Variants in DNAH10 observed in about 807,000 individuals in gnomAD.
DNAH10 encodes dynein axonemal heavy chain 10.
In DNAH10, 348 loss-of-function variants were observed where a neutral mutation model predicts 506.6. That is an observed-to-expected ratio of 0.69 (90% CI 0.63 to 0.75). The LOEUF (loss-of-function observed/expected upper bound fraction) is 0.75. DNAH10 is among the 30% of genes least tolerant of loss of function. DNAH10 has a pLI of 0.00. For missense variants in DNAH10, 5,179 were observed against 5,787.1 expected (o/e 0.89, Z 3.41); for synonymous variants, 2,059 against 2,198.6 (o/e 0.94, Z 1.78).
Position 123,926,928 on chromosome 12 carries a change from T to G in DNAH10, c.12105+108T>G, listed in dbSNP as rs1383972222. 2.2e-5 allele frequency: 28 copies of G among 1,251,926 alleles called. No homozygotes were observed. Among genetic ancestry groups the G allele is most frequent in the Non-Finnish European group, 3.0e-5 (27 of 908,534 alleles). 77.6% of individuals were successfully genotyped at this position (1,251,926 alleles called of 1,614,324 possible). ...GCTGAGTGCCACGCCACAAATCAGTTGGATGCATTTCCGAGCTAAGAAGCA... is the reference window on the plus strand; with the variant it reads ...GCTGAGTGCCACGCCACAAATCAGTGGGATGCATTTCCGAGCTAAGAAGCA... On this transcript the variant is annotated intron_variant, in intron 69 of 78. Coordinates refer to ENST00000673944, the MANE Select transcript of DNAH10 (RefSeq NM_001372106.1). The surrounding 1 kb of genome is among the most constrained non-coding windows in gnomAD (Gnocchi z 4.1).
rs1052725927 is a variant in DNAH10 at position 123,784,044 on chromosome 12, T to G, written c.1097T>G (p.Val366Gly). 3 of 1,614,070 alleles carry G rather than the reference T, an allele frequency of 1.9e-6. No individual in the cohort carries two copies. The African/African-American group carries it at 4.0e-5, about 22-fold the overall frequency. The change falls in exon 8 of 79, where the codon GTC becomes GGC. Residue 366 changes from valine (V) to glycine (G), a missense_variant. Transcript: ENST00000673944. ...ACAAAGCTTCCAATAGTCAGAAAAGTCTTGGATGTGATCAAGGAATCCGAC... is the reference window on the plus strand; with the variant it reads ...ACAAAGCTTCCAATAGTCAGAAAAGGCTTGGATGTGATCAAGGAATCCGAC... ...EQTKLPIVRK[V>G]LDVIKESDSM...
chr12:123,847,218 TTATCTATC>T (rs61214034), intron 32 of DNAH10, among the ~76,000 whole-genome samples: 23,579 of 142,660 alleles, frequency 0.17, 2,097 homozygotes, highest in East Asian at 0.24. Context: ...ATCCATCCTA[TTATCTATC>T]TATCTATCTA....
In DNAH10 at chr12:123,864,666, G is replaced by C; in HGVS notation, c.6980G>C (p.Arg2327Thr). ...ATGAATTCTGTGATGGATGACAACA[G>C]GTTGTTGACATTGGCCAACGGGGAA... Reference protein sequence around the residue: ...ENMNSVMDDNRLLTLANGERI... With the variant: ...ENMNSVMDDNTLLTLANGERI... Residue 2327 changes from arginine (R) to threonine (T), a missense_variant, in exon 40 of 79, where the codon AGG becomes ACG. Around this residue, in one of 3 missense-constraint regions of DNAH10, gnomAD observed 4,844 missense variants for 5,430.5 expected, o/e 0.89. Transcript: ENST00000673944. 1 of 1,614,012 alleles carries C rather than the reference G, an allele frequency of 6.2e-7. No individual in the cohort carries two copies. The highest frequency in any genetic ancestry group is 1.1e-5 in the South Asian group (1 of 91,080).
chr12:123,891,147 G>A (rs189157353), intron 52 of DNAH10, among the ~76,000 whole-genome samples: 5 of 152,196 alleles, frequency 3.3e-5, no homozygotes, highest in African/African-American at 9.6e-5. Context: ...GACAGTCTTT[G>A]GTGTTCCTTG....
At chr12:123,848,225 C>A (rs1384797699) in intron 33 of DNAH10, 130 bp downstream of exon 33, 5 of 1,342,188 alleles carry the variant, frequency 3.7e-6, no homozygotes, top group Non-Finnish European at 5.1e-6. Context: ...TCCACCACCA[C>A]AGCCCCAGAA....
In DNAH10 at chr12:123,881,078, C is replaced by T. The variant is rs146864095; in HGVS notation, c.8635-547C>T. On this transcript the variant is annotated intron_variant, in intron 50 of 78. Transcript: ENST00000673944. ...ATGGGCATTTGGGTTGGTTCCAAGT[C>T]TTTGCTATTGTGAGTAGTGCCGCAA... Among the ~76,000 whole-genome samples the T allele has an allele frequency of 9.7e-3, 1,470 of 152,170 alleles. 27 individuals are homozygous for T. The highest frequency in any genetic ancestry group is 0.034 in the African/African-American group (1,396 of 41,496).
At chr12:123,892,067 C>T (rs1953007313) in intron 52 of DNAH10, among the ~76,000 whole-genome samples, 1 of 152,198 alleles carries the variant, frequency 6.6e-6, no homozygotes, top group Non-Finnish European at 1.5e-5. Flanking sequence ...TCCCGGATGC[C>T]CGGAGGGAGA....
intron 56 of DNAH10, among the ~76,000 whole-genome samples, chr12:123,901,722 G>A (rs1262544793): frequency 1.3e-5 from 2 of 152,096 alleles, no homozygotes; most frequent in African/African-American, 2.4e-5. Context: ...GTGCAGTGGC[G>A]CGATCTCGGC....
rs564390784 is a variant in DNAH10 at position 123,798,498 on chromosome 12, C to T, written c.2164-748C>T. ...CAAGAGAGGTGGTGCAAACCATTCA[C>T]GAGAATTCCGCCTTCGTGATCCAGT... On this transcript the variant is annotated intron_variant, in intron 13 of 78. Transcript: ENST00000673944. 5.5e-4 allele frequency among the ~76,000 whole-genome samples: 83 copies of T among 152,256 alleles called. 1 individual carries two copies. The highest frequency in any genetic ancestry group is 1.0e-3 in the Non-Finnish European group (69 of 68,024).
rs146608621 is a variant in DNAH10 at position 123,811,658 on chromosome 12, G to A, written c.3145-1506G>A. 6.1e-3 allele frequency among the ~76,000 whole-genome samples: 928 copies of A among 152,088 alleles called. 18 individuals carry two copies. Among genetic ancestry groups the A allele is most frequent in the African/African-American group, 0.021 (866 of 41,492 alleles). ...TGGGACTATAGGAGCCCACCACCAC[G>A]CCTGGCTAATTCTTTGTATTTTTTT... On this transcript the variant is annotated intron_variant, in intron 19 of 78. Coordinates refer to ENST00000673944, the MANE Select transcript of DNAH10 (RefSeq NM_001372106.1).
chr12:123,766,287 G>GCCTACCTACCTACCTACCTA lies in DNAH10; in HGVS notation c.215-1311_215-1292dup, dbSNP rs146604271. On this transcript the variant is annotated intron_variant, in intron 1 of 78. Coordinates refer to ENST00000673944, the MANE Select transcript of DNAH10 (RefSeq NM_001372106.1). ...CAGGGCTGTTGAGATCAATTAATCA[G>GCCTACCTACCTACCTACCTA]CCTACCTACCTACCTACCTACCTAC... Among the ~76,000 whole-genome samples the GCCTACCTACCTACCTACCTA allele has an allele frequency of 3.0e-3, 453 of 150,604 alleles. 3 individuals carry two copies. Among genetic ancestry groups the GCCTACCTACCTACCTACCTA allele is most frequent in the African/African-American group, 9.8e-3 (399 of 40,844 alleles).
chr12:123,875,034 G>A (rs1952196600), intron 46 of DNAH10, among the ~76,000 whole-genome samples, 197 bp from the exon 47 acceptor site: 1 of 152,170 alleles, frequency 6.6e-6, no homozygotes, highest in Non-Finnish European at 1.5e-5. Flanking sequence ...AGTATCGTAA[G>A]GGAGACAAAC....
chr12:123,799,084 G>A (rs1182574357), intron 13 of DNAH10, among the ~76,000 whole-genome samples, 162 bp from the exon 14 acceptor site: 8 of 136,992 alleles, frequency 5.8e-5, no homozygotes, highest in African/African-American at 8.2e-5. Context: ...CAGCCTGGGC[G>A]ACAGAGTGAG....
chr12:123,880,067 GT>G (rs1952438103), intron 50 of DNAH10, among the ~76,000 whole-genome samples: 1 of 152,190 alleles, frequency 6.6e-6, no homozygotes. Context: ...GCACAGCCAG[GT>G]TTGGGAACCA....
chr12:123,869,084 GC>G (rs528221317), intron 43 of DNAH10, among the ~76,000 whole-genome samples: 87 of 152,310 alleles, frequency 5.7e-4, no homozygotes, highest in Non-Finnish European at 1.2e-3. Flanking sequence ...CACAGCTTCA[GC>G]CCTGCAGGCC....
chr12:123,765,585 T>TATCTATCTATCTA lies in DNAH10; in HGVS notation c.215-2020_215-2008dup, dbSNP rs1555302055. On this transcript the variant is annotated intron_variant, in intron 1 of 78. Coordinates refer to ENST00000673944, the MANE Select transcript of DNAH10 (RefSeq NM_001372106.1). ...TACTTTATCTATCTATCTATCTATCTATCTATCTATCTATACATACCTCTA... is the reference window on the plus strand; with the variant it reads ...TACTTTATCTATCTATCTATCTATCTATCTATCTATCTAATCTATCTATCTATACATACCTCTA... Among the ~76,000 whole-genome samples the TATCTATCTATCTA allele has an allele frequency of 7.9e-3, 1,200 of 152,112 alleles. 24 individuals are homozygous for TATCTATCTATCTA. Among genetic ancestry groups the TATCTATCTATCTA allele is most frequent in the Admixed American group, 0.053 (807 of 15,266 alleles).
chr12:123,834,380 G>A (rs1331377563), intron 27 of DNAH10, among the ~76,000 whole-genome samples: 1 of 151,992 alleles, frequency 6.6e-6, no homozygotes, highest in Non-Finnish European at 1.5e-5. Flanking sequence ...GCTAGTTTTT[G>A]TATTTTTAGT....
At position 123,857,052 on chromosome 12, in the gene DNAH10, G is replaced by A. The variant is rs1951421388; in HGVS notation, c.6439-4G>A. ...CTTGGAAACATGTGTTTCATTTCCT[G>A]CAGGACGTGGTGCTGATGAGGGCCT... On this transcript the variant is annotated splice_region_variant and splice_polypyrimidine_tract_variant and intron_variant, in intron 36 of 78. Coordinates refer to ENST00000673944, the MANE Select transcript of DNAH10 (RefSeq NM_001372106.1). The A allele has an allele frequency of 6.2e-7, 1 of 1,602,304 alleles. No homozygotes were observed. Among genetic ancestry groups the A allele is most frequent in the Admixed American group, 1.7e-5 (1 of 58,314 alleles).
At chr12:123,895,653 C>T (rs1162121409) in intron 54 of DNAH10, among the ~76,000 whole-genome samples, 1 of 152,160 alleles carries the variant, frequency 6.6e-6, no homozygotes, top group African/African-American at 2.4e-5. Context: ...TGGATTTGTC[C>T]TTTGGCCCGT....
Sources: gnomAD v4.1 joint callset for allele counts (sites outside exome capture counted in the v4.1 genomes callset) on GRCh38, gnomAD v4.1.1 for gene constraint, gnomAD v4.1.1 regional missense constraint, Gnocchi (gnomAD v3.1) non-coding constraint, MANE v1.5 for transcripts, NCBI Gene and HGNC (gene_info 2026-07-23, HGNC 2026-07-21) for gene names.